Variants in SH3RF3 observed in about 807,000 individuals in gnomAD.
SH3RF3 encodes SH3 domain containing ring finger 3.
A neutral mutation model predicts 66.3 loss-of-function variants in SH3RF3; 29 were observed. That is an observed-to-expected ratio of 0.44 (90% confidence interval 0.33 to 0.60). The LOEUF (loss-of-function observed/expected upper bound fraction) is 0.60. Ranked by LOEUF, SH3RF3 falls within the 20% of genes least tolerant of loss-of-function variation. SH3RF3 has a pLI of 0.04. For missense variants in SH3RF3, 1,194 were observed against 1,190.9 expected (o/e 1.00, Z -0.04); for synonymous variants, 583 against 532.0 (o/e 1.10, Z -1.32).
At chr2:109,392,200 C>T (rs995504403) in intron 3 of SH3RF3, among the ~76,000 whole-genome samples, 1 of 152,160 alleles carries the variant, frequency 6.6e-6, no homozygotes, top group African/African-American at 2.4e-5. Flanking sequence ...ATAGGTATAC[C>T]TCAGTGAATA....
Position 109,347,654 on chromosome 2 carries a change from A to G in SH3RF3, c.574-20A>G. Reference sequence around the variant, plus strand: ...GGGAAGGGGCATGCCCGGTGACCACATGCTGTCTGTTGCTTGCAGAATCCC... The same window carrying G: ...GGGAAGGGGCATGCCCGGTGACCACGTGCTGTCTGTTGCTTGCAGAATCCC... On this transcript the variant is annotated intron_variant, in intron 1 of 9. Coordinates refer to ENST00000309415, the MANE Select transcript of SH3RF3 (RefSeq NM_001099289.3). 2 of 1,610,946 alleles carry G rather than the reference A, an allele frequency of 1.2e-6. No homozygotes were observed. The highest frequency in any genetic ancestry group is 8.5e-7 in the Non-Finnish European group (1 of 1,177,800).
At chr2:109,252,055 T>A (rs986552017) in intron 1 of SH3RF3, among the ~76,000 whole-genome samples, 1 of 151,018 alleles carries the variant, frequency 6.6e-6, no homozygotes, top group Non-Finnish European at 1.5e-5. Flanking sequence ...GAGATCAGCC[T>A]GGGCAACATA....
intron 1 of SH3RF3, among the ~76,000 whole-genome samples, chr2:109,277,900 T>TGTG (rs1323038116): frequency 6.6e-6 from 1 of 150,996 alleles, no homozygotes; most frequent in Non-Finnish European, 1.5e-5. Flanking sequence ...TCAGGCCGGG[T>TGTG]GTGGTGGCTC....
intron 1 of SH3RF3, among the ~76,000 whole-genome samples, chr2:109,345,951 A>G (rs896406645): frequency 2.6e-5 from 4 of 152,220 alleles, no homozygotes; most frequent in Admixed American, 2.6e-4. Context: ...AAATATCTTC[A>G]GACCAAATTG....
At chr2:109,339,695 T>C (rs1682513990) in intron 1 of SH3RF3, among the ~76,000 whole-genome samples, 1 of 152,162 alleles carries the variant, frequency 6.6e-6, no homozygotes, top group Non-Finnish European at 1.5e-5. Flanking sequence ...GCTCAAGTAC[T>C]CCTCTAAGTA....
intron 1 of SH3RF3, among the ~76,000 whole-genome samples, chr2:109,213,271 C>T (rs1213300164): frequency 6.6e-6 from 1 of 152,234 alleles, no homozygotes; most frequent in Non-Finnish European, 1.5e-5. Flanking sequence ...CTCTTCCTCC[C>T]TCTTTGCCCT....
rs745383521 is a variant in SH3RF3, at chr2:109,398,694, C to T, written c.1050C>T (p.Ser350=). 58 of 1,611,054 alleles carry T rather than the reference C, an allele frequency of 3.6e-5. No individual in the cohort carries two copies. The East Asian group carries it at 8.7e-4, about 24-fold the overall frequency. Residue 350 remains serine (S), a synonymous_variant, in exon 4 of 10, where the codon AGC becomes AGT. Transcript: ENST00000309415. Reference sequence around the variant, plus strand: ...CCTCTGACTCCGGCGCTGTGGCCAGCGTGGCCCCAAGTCCCACTTTAAGCA... The same window carrying T: ...CCTCTGACTCCGGCGCTGTGGCCAGTGTGGCCCCAAGTCCCACTTTAAGCA... ...SLPSDSGAVA[S]VAPSPTLSSS...
rs186333828 is a variant in SH3RF3, at chr2:109,166,884, G to C, written c.573+36771G>C. Among the ~76,000 whole-genome samples the C allele has an allele frequency of 6.9e-3, 1,056 of 152,224 alleles. 17 individuals are homozygous for C. The highest frequency in any genetic ancestry group is 0.024 in the African/African-American group (1,003 of 41,520). ...ATTTTTAAGCTATACATTATACTTAGGGCTTACTACTTTAAAACATGCCAT... is the reference window on the plus strand; with the variant it reads ...ATTTTTAAGCTATACATTATACTTACGGCTTACTACTTTAAAACATGCCAT... On this transcript the variant is annotated intron_variant, in intron 1 of 9. Transcript: ENST00000309415.
Position 109,501,849 on chromosome 2 carries a change from A to T in SH3RF3, c.*178A>T. The T allele has an allele frequency of 1.7e-6, 1 of 581,520 alleles. No individual in the cohort carries two copies. The allele number at this position is 581,520 out of a possible 1,614,324, so 36.0% of individuals were successfully genotyped here. On this transcript the variant is annotated 3_prime_UTR_variant, in exon 10 of 10. Coordinates refer to ENST00000309415, the MANE Select transcript of SH3RF3 (RefSeq NM_001099289.3). ...CTGTGGAGGTCGTGCCTTCTCCCAA[A>T]ACCCCCAAACGGAGAGCACACCTGG...
chr2:109,409,276 C>T (rs1159793041), intron 4 of SH3RF3, among the ~76,000 whole-genome samples: 4 of 152,144 alleles, frequency 2.6e-5, no homozygotes. Flanking sequence ...TCATAGACAC[C>T]TAGAGCAGGG....
intron 1 of SH3RF3, among the ~76,000 whole-genome samples, chr2:109,230,371 G>A (rs1368701048): frequency 6.6e-6 from 1 of 152,042 alleles, no homozygotes; most frequent in African/African-American, 2.4e-5. Flanking sequence ...GAGGCCAGGA[G>A]TTTGAGACCA....
At chr2:109,131,316 G>C (rs1316504986) in intron 1 of SH3RF3, among the ~76,000 whole-genome samples, 1 of 152,004 alleles carries the variant, frequency 6.6e-6, no homozygotes, top group African/African-American at 2.4e-5. Context: ...TCACTTGGGG[G>C]GCACTGCTGA....
intron 3 of SH3RF3, among the ~76,000 whole-genome samples, chr2:109,390,243 A>T (rs1675949219): frequency 6.6e-6 from 1 of 152,108 alleles, no homozygotes; most frequent in Non-Finnish European, 1.5e-5. Flanking sequence ...TTTGCCCATA[A>T]ACTACCAGTT....
chr2:109,276,688 A>G (rs1160309995), intron 1 of SH3RF3, among the ~76,000 whole-genome samples: 1 of 152,206 alleles, frequency 6.6e-6, no homozygotes, highest in Non-Finnish European at 1.5e-5. Flanking sequence ...AGTCAGATAG[A>G]GACCCTTTTT....
chr2:109,228,344 G>A (rs1476232482), intron 1 of SH3RF3, among the ~76,000 whole-genome samples: 1 of 152,188 alleles, frequency 6.6e-6, no homozygotes, highest in Non-Finnish European at 1.5e-5. Context: ...TTAGTCTGAA[G>A]ATGTTTGGGA....
intron 1 of SH3RF3, among the ~76,000 whole-genome samples, chr2:109,170,294 CTTCTCT>C (rs1677742805): frequency 7.7e-6 from 1 of 129,038 alleles, no homozygotes; most frequent in East Asian, 2.6e-4. Flanking sequence ...CTTCTCTTCT[CTTCTCT>C]TCTCTTCTCT....
chr2:109,374,455 G>A (rs1296382861), intron 3 of SH3RF3, among the ~76,000 whole-genome samples: 4 of 152,148 alleles, frequency 2.6e-5, no homozygotes, highest in South Asian at 4.1e-4. Context: ...CTGGTGGATC[G>A]GAAAGTCCTG....
intron 6 of SH3RF3, 127 bp downstream of exon 6, chr2:109,432,798 G>T: frequency 7.6e-7 from 1 of 1,311,314 alleles, no homozygotes; most frequent in Non-Finnish European, 1.0e-6. Context: ...CCAGTGCCCA[G>T]GGTTCAGCCC....
intron 2 of SH3RF3, among the ~76,000 whole-genome samples, chr2:109,363,032 T>C (rs970459814): frequency 1.3e-5 from 2 of 152,204 alleles, no homozygotes; most frequent in Non-Finnish European, 2.9e-5. Context: ...TTAATTTGTA[T>C]ATTTACATCA....
Sources: allele counts gnomAD v4.1 joint callset (sites outside exome capture counted in the v4.1 genomes callset), GRCh38; gene constraint gnomAD v4.1.1; transcripts MANE v1.5; gene names NCBI Gene and HGNC (gene_info 2026-07-23, HGNC 2026-07-21).